Variants in ITPKB observed in about 807,000 individuals in gnomAD.
ITPKB encodes the protein IP3 3-kinase B.
Under a neutral mutation model 69.4 loss-of-function variants are expected in ITPKB, and 13 were observed. That is an observed-to-expected ratio of 0.19 (90% CI 0.12 to 0.30). The LOEUF is 0.30. Ranked by LOEUF, ITPKB falls within the 10% of genes least tolerant of loss-of-function variation. ITPKB has a pLI of 1.00. For missense variants in ITPKB, 1,240 were observed against 1,250.5 expected (o/e 0.99, Z 0.13); for synonymous variants, 584 against 513.7 (o/e 1.14, Z -1.85).
chr1:226,658,974 C>T lies in ITPKB; in HGVS notation c.1933-10203G>A, dbSNP rs575273857. ...GTCCCCTCCACACCCAATCAGGCTGCGAGGGCTGCCGGGTCCCTGGTTTGC... is the reference window on the plus strand; with the variant it reads ...GTCCCCTCCACACCCAATCAGGCTGTGAGGGCTGCCGGGTCCCTGGTTTGC... On this transcript the variant is annotated intron_variant, in intron 2 of 7. Transcript: ENST00000429204. 3.9e-5 allele frequency among the ~76,000 whole-genome samples: 6 copies of T among 152,288 alleles called. No homozygotes were observed. In the East Asian group the frequency reaches 5.8e-4, roughly 15 times the overall value.
intron 2 of ITPKB, among the ~76,000 whole-genome samples, chr1:226,693,939 A>G (rs1481833400): frequency 1.3e-5 from 2 of 152,250 alleles, no homozygotes; most frequent in East Asian, 3.8e-4. Flanking sequence ...GAAAGAACTC[A>G]ACTCTGCATT....
At chr1:226,713,448 C>T (rs1257832272) in intron 2 of ITPKB, among the ~76,000 whole-genome samples, 2 of 152,194 alleles carry the variant, frequency 1.3e-5, no homozygotes, top group East Asian at 1.9e-4. Flanking sequence ...TGTCAAGGGG[C>T]GACAAGGACG....
chr1:226,668,957 C>T (rs923952979), intron 2 of ITPKB: 1 of 152,228 alleles, frequency 6.6e-6, no homozygotes, highest in Admixed American at 6.5e-5. Flanking sequence ...AAATTCATTA[C>T]TCCCTGCCCC....
At chr1:226,652,552 CCT>C (rs1184598110) in intron 2 of ITPKB, among the ~76,000 whole-genome samples, 1 of 152,240 alleles carries the variant, frequency 6.6e-6, no homozygotes, top group Non-Finnish European at 1.5e-5. Flanking sequence ...TCCACAGCAG[CCT>C]CTGTCTCTTC....
At chr1:226,719,693 C>T (rs965953442) in intron 2 of ITPKB, among the ~76,000 whole-genome samples, 5 of 152,344 alleles carry the variant, frequency 3.3e-5, no homozygotes, top group East Asian at 1.9e-4. Context: ...TGGACTCATG[C>T]GCAGGCCGTG....
chr1:226,694,718 C>T (rs1389713012), intron 2 of ITPKB, among the ~76,000 whole-genome samples: 2 of 152,220 alleles, frequency 1.3e-5, no homozygotes, highest in Non-Finnish European at 1.5e-5. Context: ...GCATCCTGGC[C>T]TCTACCCACT....
At chr1:226,635,217 TCTTCCCTTCCTTC>T (rs1571831734) in intron 7 of ITPKB, among the ~76,000 whole-genome samples, 1 of 151,932 alleles carries the variant, frequency 6.6e-6, no homozygotes, top group Non-Finnish European at 1.5e-5. Context: ...TTCCTTCCTT[TCTTCCCTTCCTTC>T]CTTCCTTCCA....
Position 226,637,150 on chromosome 1 carries a change from G to C in ITPKB, c.2625+529C>G, listed in dbSNP as rs1432866532. Among the ~76,000 whole-genome samples, 1 of 152,172 alleles carries C rather than the reference G, an allele frequency of 6.6e-6. No homozygotes were observed. The highest frequency in any genetic ancestry group is 1.5e-5 in the Non-Finnish European group (1 of 68,020). ...CATGTCAGGGTCTCACACCCCTCCA[G>C]GGAACCTGCCGACACCTCCCAGAGC... On this transcript the variant is annotated intron_variant, in intron 7 of 7. Transcript: ENST00000429204. The surrounding 1 kb of genome is among the most constrained non-coding windows in gnomAD (Gnocchi z 4.3).
chr1:226,668,398 G>A (rs1430414383), intron 2 of ITPKB, among the ~76,000 whole-genome samples: 1 of 152,160 alleles, frequency 6.6e-6, no homozygotes, highest in Non-Finnish European at 1.5e-5. Context: ...CTCGTCCCCC[G>A]AGTCCTGTGG....
rs751661834 is a variant in ITPKB at position 226,735,813 on chromosome 1, G to C, written c.1646C>G (p.Pro549Arg). ...CAGGAAAGGCTTGTCCGGATCTTGG[G>C]GTAGCAGCTCCGGACTTGGGAGGGC... is the stretch of plus-strand genomic sequence containing the variant. ...SDALPSPELLPQDPDKPFLRK... is the reference protein window; with the variant it reads ...SDALPSPELLRQDPDKPFLRK... Residue 549 changes from proline (P) to arginine (R), a missense_variant, in exon 2 of 8, where the codon CCC (proline) becomes CGC (arginine). By Grantham distance (103) the Pro-to-Arg change is moderately radical (BLOSUM62 -2). Around this residue, in one of 2 missense-constraint regions of ITPKB, gnomAD observed 992 missense variants for 853.8 expected, o/e 1.16. Transcript: ENST00000429204. 46 of 1,608,168 alleles carry C rather than the reference G, an allele frequency of 2.9e-5. No individual in the cohort carries two copies. In the East Asian group the frequency reaches 8.7e-4, roughly 31 times the overall value.
intron 2 of ITPKB, among the ~76,000 whole-genome samples, chr1:226,724,727 C>T (rs937501039): frequency 2.0e-5 from 3 of 152,186 alleles, no homozygotes; most frequent in African/African-American, 4.8e-5. Context: ...GACTCTATAA[C>T]GTGTACTAAG....
rs1668785702 is a variant in ITPKB, at chr1:226,634,433, G to T, written c.*238C>A. 2 of 534,234 alleles carry T rather than the reference G, an allele frequency of 3.7e-6. No homozygotes were observed. The highest frequency in any genetic ancestry group is 6.7e-6 in the Non-Finnish European group (2 of 296,398). 33.1% of individuals were successfully genotyped at this position (534,234 alleles called of 1,614,324 possible). On this transcript the variant is annotated 3_prime_UTR_variant, in exon 8 of 8. Coordinates refer to ENST00000429204, the MANE Select transcript of ITPKB (RefSeq NM_002221.4). The surrounding 1 kb of genome is among the most constrained non-coding windows in gnomAD (Gnocchi z 6.3). ...AGCTCTACACCTGACCCACCTCTAA[G>T]ACTGGGCATTTCTCTTCTAGTAGGT... is the stretch of plus-strand genomic sequence containing the variant.
intron 2 of ITPKB, among the ~76,000 whole-genome samples, chr1:226,676,976 C>A (rs1387627308): frequency 6.6e-6 from 1 of 152,158 alleles, no homozygotes; most frequent in Admixed American, 6.5e-5. Context: ...CCCTCCACAC[C>A]CTCCCTATTC....
intron 2 of ITPKB, among the ~76,000 whole-genome samples, chr1:226,689,567 ATTTGTG>A (rs996857677): frequency 5.3e-5 from 5 of 93,724 alleles, no homozygotes; most frequent in African/African-American, 2.1e-4. Context: ...GGAAGGTTTT[ATTTGTG>A]TGTGTGTGTG....
In ITPKB at chr1:226,673,639, C is replaced by T. The variant is rs79329564; in HGVS notation, c.1933-24868G>A. On this transcript the variant is annotated intron_variant, in intron 2 of 7. Transcript: ENST00000429204. ...TGACAGGTCTTCTGAAGCCTAGAGT[C>T]ATCGTATAAACATAGATAAATAGTG... Among the ~76,000 whole-genome samples the T allele has an allele frequency of 8.7e-3, 1,319 of 152,300 alleles. 25 individuals carry two copies. Among genetic ancestry groups the T allele is most frequent in the Admixed American group, 8.7e-3 (133 of 15,302 alleles).
chr1:226,634,935 CT>C lies in ITPKB; in HGVS notation c.2626-50del. 1 of 1,470,544 alleles carries C rather than the reference CT, an allele frequency of 6.8e-7. No homozygotes were observed. The highest frequency in any genetic ancestry group is 9.3e-7 in the Non-Finnish European group (1 of 1,069,622). 91.1% of individuals were successfully genotyped at this position (1,470,544 alleles called of 1,614,324 possible). On this transcript the variant is annotated intron_variant, in intron 7 of 7. Transcript: ENST00000429204. This position sits in a 1 kb window ranked among gnomAD's most constrained non-coding sequence, Gnocchi z 6.3. ...GGTGAGCTGAAGCCCGGGCCTCGCCCTCCCCACTGCGGCCCGGGGCCTGGGT... is the reference window on the plus strand; with the variant it reads ...GGTGAGCTGAAGCCCGGGCCTCGCCCCCCCACTGCGGCCCGGGGCCTGGGT...
chr1:226,647,062 C>G, intron 4 of ITPKB, 105 bp downstream of exon 4: 1 of 936,214 alleles, frequency 1.1e-6, no homozygotes, highest in Non-Finnish European at 1.7e-6. Context: ...CCTCAGCCTG[C>G]CCTTGCACCT....
intron 2 of ITPKB, among the ~76,000 whole-genome samples, chr1:226,717,298 A>T (rs747693125): frequency 7.9e-5 from 12 of 152,228 alleles, no homozygotes; most frequent in Non-Finnish European, 1.2e-4. Context: ...TGCTAGCTTT[A>T]AAGAGAAAAT....
At chr1:226,717,988 G>A (rs926302982) in intron 2 of ITPKB, among the ~76,000 whole-genome samples, 104 of 152,276 alleles carry the variant, frequency 6.8e-4, no homozygotes, top group African/African-American at 2.2e-3. Flanking sequence ...AATTAACATC[G>A]CCAGCCATTA....
Sources: allele counts gnomAD v4.1 joint callset (sites outside exome capture counted in the v4.1 genomes callset), GRCh38; gene constraint gnomAD v4.1.1; regional missense constraint gnomAD v4.1.1; non-coding constraint Gnocchi (gnomAD v3.1); transcripts MANE v1.5; gene names NCBI Gene and HGNC (gene_info 2026-07-23, HGNC 2026-07-21).